Variants in DLGAP2 observed in about 807,000 individuals in gnomAD.
The protein encoded by DLGAP2 is disks large-associated protein 2.
Under a neutral mutation model 100.3 loss-of-function variants are expected in DLGAP2, and 26 were observed. The ratio of observed to expected loss-of-function variants is 0.26; its 90% confidence interval spans 0.19 to 0.36. The LOEUF is 0.36. Among genes scored for constraint, DLGAP2 ranks in the 10% least tolerant of loss-of-function variants. DLGAP2 has a pLI of 1.00. For missense variants in DLGAP2, 1,858 were observed against 1,453.2 expected (o/e 1.28, Z -4.53); for synonymous variants, 886 against 630.1 (o/e 1.41, Z -6.08).
intron 1 of DLGAP2, among the ~76,000 whole-genome samples, chr8:795,709 G>GAGAGCAGGCGTCCAGTC: frequency 1.5e-5 from 1 of 68,300 alleles, no homozygotes; most frequent in African/African-American, 5.3e-5. Context: ...GGCGTCCAGT[G>GAGAGCAGGCGTCCAGTC]AGAGCAGGCG....
intron 3 of DLGAP2, among the ~76,000 whole-genome samples, chr8:1,266,969 C>T (rs1280937530): frequency 1.3e-5 from 2 of 152,012 alleles, no homozygotes; most frequent in Middle Eastern, 3.2e-3. Context: ...TGGCTCACGC[C>T]TATAATCCCA....
intron 13 of DLGAP2, 68 bp from the exon 14 acceptor site, chr8:1,697,079 A>T: frequency 7.2e-7 from 1 of 1,394,368 alleles, no homozygotes; most frequent in Non-Finnish European, 9.4e-7. Flanking sequence ...CGTGGGGAGG[A>T]GTGGCCTCCC....
intron 1 of DLGAP2, among the ~76,000 whole-genome samples, chr8:755,011 G>A (rs1445508015): frequency 6.6e-6 from 1 of 152,128 alleles, no homozygotes; most frequent in Non-Finnish European, 1.5e-5. Context: ...GAGGCTTTTG[G>A]CATGTCTGGT....
intron 3 of DLGAP2, among the ~76,000 whole-genome samples, chr8:1,278,120 G>C (rs939541119): frequency 3.3e-5 from 5 of 152,200 alleles, no homozygotes; most frequent in Non-Finnish European, 5.9e-5. Context: ...CGCCAGGTCA[G>C]GTGAGGGAGT....
intron 1 of DLGAP2, among the ~76,000 whole-genome samples, chr8:859,116 T>C (rs1257619087): frequency 2.5e-5 from 1 of 40,762 alleles, no homozygotes; most frequent in African/African-American, 6.7e-5. Context: ...TTAGTCTTCT[T>C]TTTTTTTTTT....
At chr8:1,505,795 G>T (rs899972193) in intron 4 of DLGAP2, among the ~76,000 whole-genome samples, 1 of 152,026 alleles carries the variant, frequency 6.6e-6, no homozygotes, top group East Asian at 1.9e-4. Context: ...TCATTATGAC[G>T]TTACTTCTAA....
chr8:1,161,672 C>T (rs766007269), intron 2 of DLGAP2, among the ~76,000 whole-genome samples: 10 of 152,210 alleles, frequency 6.6e-5, no homozygotes, highest in African/African-American at 9.6e-5. Context: ...ATGGAGCCTA[C>T]CTAGGGCTCA....
chr8:1,090,230 A>G (rs185857971), intron 2 of DLGAP2, among the ~76,000 whole-genome samples: 31 of 121,528 alleles, frequency 2.6e-4, no homozygotes, highest in African/African-American at 5.0e-4. Context: ...CTGGCCAGAC[A>G]GGGGTGGAAA....
chr8:1,468,863 G>A (rs372522514), intron 3 of DLGAP2, among the ~76,000 whole-genome samples: 8 of 152,172 alleles, frequency 5.3e-5, no homozygotes, highest in African/African-American at 1.2e-4. Flanking sequence ...CTGGGGCCAC[G>A]CTGCCCGGCC....
intron 3 of DLGAP2, among the ~76,000 whole-genome samples, chr8:1,464,484 C>T (rs77303340): frequency 0.19 from 27,729 of 148,670 alleles, 2,426 homozygotes; most frequent in South Asian, 0.25. Flanking sequence ...AGCCACCTTC[C>T]AGGACAGCTC....
At chr8:1,688,706 A>T (rs925977452) in intron 12 of DLGAP2, among the ~76,000 whole-genome samples, 7 of 152,240 alleles carry the variant, frequency 4.6e-5, no homozygotes, top group African/African-American at 7.2e-5. Flanking sequence ...AAGACAAGAC[A>T]GAAAAATAGG....
At chr8:1,424,583 G>C (rs184383358) in intron 3 of DLGAP2, among the ~76,000 whole-genome samples, 1 of 152,164 alleles carries the variant, frequency 6.6e-6, no homozygotes, top group African/African-American at 2.4e-5. Context: ...GGACAAGGAC[G>C]GTGTGATTAC....
In DLGAP2 at chr8:1,669,617, G is replaced by A. The variant is rs2272626; in HGVS notation, c.2161-126G>A. The stretch of plus-strand genomic sequence containing the variant: ...GCCCAGGGAGGAGGGTGAGTGGAGC[G>A]TGCTGAGAGCCGGGCCCGTGCGGCG... On this transcript the variant is annotated intron_variant, in intron 9 of 14. Transcript: ENST00000637795. 8.4e-4 allele frequency: 611 copies of A among 726,910 alleles called. 4 individuals carry two copies. In the East Asian group the frequency reaches 0.014, roughly 17 times the overall value. The allele number at this position is 726,910 out of a possible 1,614,324, so 45.0% of individuals were successfully genotyped here.
At chr8:1,377,667 G>T (rs1165656695) in intron 3 of DLGAP2, among the ~76,000 whole-genome samples, 1 of 152,234 alleles carries the variant, frequency 6.6e-6, no homozygotes, top group Non-Finnish European at 1.5e-5. Context: ...CCTGTGAGGA[G>T]GGCCTTGCCA....
At chr8:1,041,988 C>G (rs905020482) in intron 2 of DLGAP2, among the ~76,000 whole-genome samples, 2 of 152,220 alleles carry the variant, frequency 1.3e-5, no homozygotes, top group South Asian at 4.1e-4. Flanking sequence ...TCTTCTGGCT[C>G]GGCTGTCGAG....
chr8:921,197 CT>C (rs1043451572), intron 2 of DLGAP2, among the ~76,000 whole-genome samples: 1 of 152,104 alleles, frequency 6.6e-6, no homozygotes, highest in Non-Finnish European at 1.5e-5. Flanking sequence ...TTTTTTATAA[CT>C]TTTTTTCCCA....
chr8:767,107 TCTC>T (rs1166440452), intron 1 of DLGAP2, among the ~76,000 whole-genome samples: 2 of 152,084 alleles, frequency 1.3e-5, no homozygotes, highest in East Asian at 3.9e-4. Context: ...CCGGGGTGCA[TCTC>T]CTCTTTTGAG....
chr8:1,267,603 T>TAAAATAAAATAAA, intron 3 of DLGAP2, among the ~76,000 whole-genome samples: 1 of 68,454 alleles, frequency 1.5e-5, no homozygotes, highest in Non-Finnish European at 2.8e-5. Context: ...TAAGATAAGA[T>TAAAATAAAATAAA]AAGATAAGAT....
chr8:967,773 ATATATG>A lies in DLGAP2; in HGVS notation c.73+59813_73+59818del, dbSNP rs1268290400. Among the ~76,000 whole-genome samples the A allele has an allele frequency of 1.3e-3, 49 of 37,472 alleles. 2 individuals are homozygous for A. Among genetic ancestry groups the A allele is most frequent in the Admixed American group, 8.9e-3 (21 of 2,354 alleles). 24.6% of individuals were successfully genotyped at this position (37,472 alleles called of 152,430 possible). A position where few individuals can be genotyped will look rare whatever the true frequency, so the allele number is the denominator to read the frequency against. ...GTGTTCAACAAAGAGGTGTATATAT[ATATATG>A]TATATATATATATATACACCTCTTT... is the stretch of plus-strand genomic sequence containing the variant. On this transcript the variant is annotated intron_variant, in intron 2 of 14. Transcript: ENST00000637795.
Sources: gnomAD v4.1 joint callset for allele counts (sites outside exome capture counted in the v4.1 genomes callset) on GRCh38, gnomAD v4.1.1 for gene constraint, MANE v1.5 for transcripts, NCBI Gene and HGNC (gene_info 2026-07-23, HGNC 2026-07-21) for gene names.